ZBTB25: variants seen among roughly 807,000 people sequenced by gnomAD.
ZBTB25 encodes zinc finger and BTB domain containing 25.
In ZBTB25, 20 loss-of-function variants were observed where a neutral mutation model predicts 34.2. The observed-to-expected ratio is 0.58, with a 90% CI of 0.41 to 0.85. The LOEUF (loss-of-function observed/expected upper bound fraction) is 0.85, where lower values mean the gene tolerates loss of function less well. Ranked by LOEUF, ZBTB25 falls within the 40% of genes least tolerant of loss-of-function variation. The pLI is 0.00. For missense variants in ZBTB25, 437 were observed against 521.8 expected (o/e 0.84, Z 1.58); for synonymous variants, 175 against 186.4 (o/e 0.94, Z 0.50).
rs764945303 is a variant in ZBTB25, at chr14:64,468,807, G to A, written c.174-19169C>T. 3.4e-5 allele frequency: 55 copies of A among 1,614,032 alleles called. No homozygotes were observed. The highest frequency in any genetic ancestry group is 4.6e-5 in the Non-Finnish European group (54 of 1,180,036). ...ATAAAATTCCCAAGAGGGCCAAAAAGGAGTAATCATTCCAAAATTATAGAA... is the reference window on the plus strand; with the variant it reads ...ATAAAATTCCCAAGAGGGCCAAAAAAGAGTAATCATTCCAAAATTATAGAA... On this transcript the variant is annotated intron_variant, in intron 2 of 2. Coordinates refer to the ZBTB25 transcript ENST00000555220.
intron 1 of ZBTB25, among the ~76,000 whole-genome samples, chr14:64,491,170 C>T (rs2079061936): frequency 6.6e-6 from 1 of 152,134 alleles, no homozygotes; most frequent in African/African-American, 2.4e-5. Flanking sequence ...CAAGAGCCTC[C>T]TGAGAAAGAA....
rs1223233348 is a variant in ZBTB25, at chr14:64,478,233, G to T, written c.*8690C>A. The T allele has an allele frequency of 1.3e-5, 2 of 152,190 alleles. No individual in the cohort carries two copies. Among genetic ancestry groups the T allele is most frequent in the Non-Finnish European group, 2.9e-5 (2 of 68,048 alleles). 9.4% of individuals were successfully genotyped at this position (152,190 alleles called of 1,614,324 possible). A position where few individuals can be genotyped will look rare whatever the true frequency, so the allele number is the denominator to read the frequency against. On this transcript the variant is annotated 3_prime_UTR_variant, in exon 3 of 3. Coordinates refer to ENST00000608382, the MANE Select transcript of ZBTB25 (RefSeq NM_006977.5). ...GTGATTAGGTACAAAGTCCTAGGAT[G>T]ATGAGAATAATATTGTAATCAGAAA...
rs975995919 is a variant in ZBTB25, at chr14:64,503,678, G to A, written c.-25C>T. 1.8e-5 allele frequency: 17 copies of A among 926,016 alleles called. No individual in the cohort carries two copies. The highest frequency in any genetic ancestry group is 1.1e-3 in the Middle Eastern group (2 of 1,830). The allele number at this position is 926,016 out of a possible 1,614,324, so 57.4% of individuals were successfully genotyped here. ...TCGCTTACCCAGATGCCGCCGCGGC[G>A]GCAGGCCGACTCCTCCGTGCAGGAG... On this transcript the variant is annotated 5_prime_UTR_variant, in exon 1 of 3. Transcript: ENST00000608382.
upstream of ZBTB25, chr14:64,505,102 G>C: frequency 2.8e-6 from 1 of 351,932 alleles, no homozygotes; most frequent in Non-Finnish European, 5.1e-6. Context: ...GGTGACGGGC[G>C]GCTGCCAGGC....
chr14:64,500,500 C>T (rs1202653443), intron 1 of ZBTB25, among the ~76,000 whole-genome samples: 2 of 120,806 alleles, frequency 1.7e-5, no homozygotes, highest in Admixed American at 1.7e-4. Flanking sequence ...AAAGAAAATT[C>T]CTGCTAGCAA....
chr14:64,498,778 C>T (rs1341144878), intron 1 of ZBTB25, among the ~76,000 whole-genome samples: 149 of 152,124 alleles, frequency 9.8e-4, no homozygotes, highest in East Asian at 3.9e-4. Flanking sequence ...GGACTACAGG[C>T]GCCCACCACC....
chr14:64,500,475 A>AAAAAAAAAAG (rs35009526), intron 1 of ZBTB25, among the ~76,000 whole-genome samples: 240 of 70,498 alleles, frequency 3.4e-3, no homozygotes, highest in East Asian at 0.013. Context: ...AAAAAAAAAA[A>AAAAAAAAAAG]AGAGAGAGAG....
chr14:64,454,629 A>C lies in ZBTB25; in HGVS notation c.174-4991T>G, dbSNP rs139124700. On this transcript the variant is annotated intron_variant, in intron 2 of 2. Coordinates refer to the ZBTB25 transcript ENST00000555220. The stretch of plus-strand genomic sequence containing the variant: ...ATAAAGGGAGTTGGATGTTTCGAAT[A>C]AATTGAAGAATCCATGTAATCACAG... 6.7e-4 allele frequency: 685 copies of C among 1,027,760 alleles called. 2 individuals are homozygous for C. The African/African-American group carries it at 9.5e-3, about 14-fold the overall frequency. The allele number at this position is 1,027,760 out of a possible 1,614,324, so 63.7% of individuals were successfully genotyped here.
rs1454817292 is a variant in ZBTB25, at chr14:64,478,823, A to G, written c.*8100T>C. 2.0e-5 allele frequency: 3 copies of G among 152,214 alleles called. No individual in the cohort carries two copies. The highest frequency in any genetic ancestry group is 4.4e-5 in the Non-Finnish European group (3 of 68,038). 9.4% of individuals were successfully genotyped at this position (152,214 alleles called of 1,614,324 possible). A position where few individuals can be genotyped will look rare whatever the true frequency, so the allele number is the denominator to read the frequency against. ...TATTTACTATTAATAGTAATGCTGA[A>G]TTCAAGTATAATGAACATTTTTTTA... On this transcript the variant is annotated 3_prime_UTR_variant, in exon 3 of 3. Transcript: ENST00000608382.
rs72724406 is a variant in ZBTB25 at position 64,471,869 on chromosome 14, A to G, written c.173+18492T>C. On this transcript the variant is annotated intron_variant, in intron 2 of 2. Coordinates refer to the ZBTB25 transcript ENST00000555220. ...ATTTGCTACTTTGTCCTACAGAATC[A>G]TCTTCATTTCTTTCTGTAAATACAT... 6.7e-3 allele frequency: 1,126 copies of G among 167,052 alleles called. 8 individuals carry two copies. The highest frequency in any genetic ancestry group is 0.01 in the Admixed American group (158 of 15,312). 10.3% of individuals were successfully genotyped at this position (167,052 alleles called of 1,614,324 possible).
At chr14:64,455,981 G>C (rs1403986220) in intron 2 of ZBTB25, among the ~76,000 whole-genome samples, 1 of 152,190 alleles carries the variant, frequency 6.6e-6, no homozygotes, top group Admixed American at 6.5e-5. Context: ...CCTTGTGGTA[G>C]GAATTTTCCA....
At chr14:64,468,937 T>C in intron 2 of ZBTB25, 1 of 1,614,098 alleles carries the variant, frequency 6.2e-7, no homozygotes, top group Middle Eastern at 1.6e-4. Context: ...CAACCCAGGA[T>C]CTAAGTGAAG....
intron 2 of ZBTB25, among the ~76,000 whole-genome samples, chr14:64,450,203 AAGTAC>A (rs1045156059): frequency 3.3e-5 from 5 of 152,244 alleles, no homozygotes; most frequent in Non-Finnish European, 7.3e-5. Context: ...AAAAGGGTCA[AAGTAC>A]AGGTGGCAGA....
chr14:64,492,117 C>CAAAAAAAAA (rs58321068), intron 1 of ZBTB25, among the ~76,000 whole-genome samples: 1,428 of 73,940 alleles, frequency 0.019, 63 homozygotes, highest in East Asian at 0.036. Flanking sequence ...GACCCTATCT[C>CAAAAAAAAA]AAAAAAAAAA....
At chr14:64,468,645 G>C in intron 2 of ZBTB25, 1 of 1,613,942 alleles carries the variant, frequency 6.2e-7, no homozygotes, top group Non-Finnish European at 8.5e-7. Context: ...TCACTCAAAC[G>C]TCTTGTAACA....
chr14:64,486,375 A>G lies in ZBTB25; in HGVS notation c.*548T>C. ...GTAGGTAAGATGTTGTGGAGCTAGT[A>G]GTTAAAAAATAAAACTACTCATGAT... On this transcript the variant is annotated 3_prime_UTR_variant, in exon 3 of 3. Transcript: ENST00000608382. 2 of 985,448 alleles carry G rather than the reference A, an allele frequency of 2.0e-6. No homozygotes were observed. The highest frequency in any genetic ancestry group is 2.4e-6 in the Non-Finnish European group (2 of 829,924). The allele number at this position is 985,448 out of a possible 1,614,324, so 61.0% of individuals were successfully genotyped here.
At position 64,468,666 on chromosome 14, in the gene ZBTB25, G is replaced by T. The variant is rs1365704746; in HGVS notation, c.174-19028C>A. 5 of 1,613,878 alleles carry T rather than the reference G, an allele frequency of 3.1e-6. No homozygotes were observed. The highest frequency in any genetic ancestry group is 1.6e-4 in the Middle Eastern group (1 of 6,084). On this transcript the variant is annotated intron_variant, in intron 2 of 2. Transcript: ENST00000555220. ...AAACGTCTTGTAACACGCAGGAAAAGGTCAGAGTCTTCAAAGCAGCAAAAG... is the reference window on the plus strand; with the variant it reads ...AAACGTCTTGTAACACGCAGGAAAATGTCAGAGTCTTCAAAGCAGCAAAAG...
At chr14:64,499,932 C>T (rs1019127352) in intron 1 of ZBTB25, among the ~76,000 whole-genome samples, 3 of 152,230 alleles carry the variant, frequency 2.0e-5, no homozygotes, top group African/African-American at 7.2e-5. Flanking sequence ...TTTGGGGCCT[C>T]CTGCCTGTTG....
chr14:64,451,048 A>G (rs1188461126), intron 2 of ZBTB25, among the ~76,000 whole-genome samples: 2 of 152,162 alleles, frequency 1.3e-5, no homozygotes, highest in African/African-American at 4.8e-5. Flanking sequence ...AGGCACCTGT[A>G]ATCCCAGCTA....
Sources: gnomAD v4.1 joint callset for allele counts (sites outside exome capture counted in the v4.1 genomes callset) on GRCh38, gnomAD v4.1.1 for gene constraint, MANE v1.5 for transcripts, NCBI Gene and HGNC (gene_info 2026-07-23, HGNC 2026-07-21) for gene names.